ZSCAN4: variants seen among roughly 807,000 people sequenced by gnomAD.
ZSCAN4 encodes the protein zinc finger and SCAN domain-containing protein 4.
ZSCAN4 carries 18 observed loss-of-function variants against 18.3 expected under a neutral mutation model. The observed-to-expected ratio is 0.98, with a 90% confidence interval of 0.68 to 1.46. ZSCAN4 has a LOEUF of 1.46. Ranked by LOEUF, ZSCAN4 falls within the 40% of genes most tolerant of loss-of-function variation. ZSCAN4 has a pLI of 0.00. For missense variants in ZSCAN4, 498 were observed against 511.4 expected, an observed-to-expected ratio of 0.97 and a Z score of 0.25; for synonymous variants, 193 against 180.3, an observed-to-expected ratio of 1.07 and a Z score of -0.57.
chr19:57,669,837 A>G (rs1174155662), intron 1 of ZSCAN4, among the ~76,000 whole-genome samples: 1 of 151,924 alleles, frequency 6.6e-6, no homozygotes, highest in Non-Finnish European at 1.5e-5. Context: ...AACAAGCTAC[A>G]CAGACATGCC....
chr19:57,656,620 C>A, the ZSCAN4 span, among the ~76,000 whole-genome samples: 1 of 152,218 alleles, frequency 6.6e-6, no homozygotes, highest in Non-Finnish European at 1.5e-5. Context: ...ACAGGACTGG[C>A]AAGTTGACTT....
upstream of ZSCAN4, among the ~76,000 whole-genome samples, chr19:57,667,466 T>A (rs556235284): frequency 3.9e-5 from 6 of 152,202 alleles, no homozygotes; most frequent in Non-Finnish European, 8.8e-5. Context: ...GTTATTTTGA[T>A]GTTAAAATGG....
chr19:57,659,031 C>T, the ZSCAN4 span, among the ~76,000 whole-genome samples: 1 of 152,018 alleles, frequency 6.6e-6, no homozygotes, highest in Non-Finnish European at 1.5e-5. Flanking sequence ...ATTGAAAGTC[C>T]TGTCTCATGC....
chr19:57,661,918 TA>T, the ZSCAN4 span, among the ~76,000 whole-genome samples: 8 of 151,910 alleles, frequency 5.3e-5, no homozygotes, highest in Admixed American at 3.3e-4. Context: ...CCGTCTCTAC[TA>T]AAAATAAAAA....
chr19:57,679,025 C>T, exon 5 of ZSCAN4: 1 of 1,215,622 alleles, frequency 8.2e-7, no homozygotes, highest in Non-Finnish European at 1.1e-6. Flanking sequence ...TGTCTTGCTT[C>T]ATTAAAATGT....
At chr19:57,661,550 T>C in the ZSCAN4 span, among the ~76,000 whole-genome samples, 3 of 152,224 alleles carry the variant, frequency 2.0e-5, no homozygotes, top group African/African-American at 7.2e-5. Context: ...CCATTTGCTC[T>C]ATTTATTCAA....
At chr19:57,655,898 C>T in the ZSCAN4 span, among the ~76,000 whole-genome samples, 2 of 152,048 alleles carry the variant, frequency 1.3e-5, no homozygotes, top group Non-Finnish European at 2.9e-5. Flanking sequence ...GCTACACCAT[C>T]GTTGCCAAAC....
exon 1 of ZSCAN4, chr19:57,669,059 T>TTCA (rs1555807404): frequency 1.3e-5 from 1 of 77,490 alleles, no homozygotes; most frequent in East Asian, 2.9e-4. Context: ...TATATTTTCC[T>TTCA]TTTTTTTTTT....
the ZSCAN4 span, among the ~76,000 whole-genome samples, chr19:57,655,174 AC>A: frequency 2.6e-5 from 4 of 151,788 alleles, no homozygotes; most frequent in Non-Finnish European, 5.9e-5. Context: ...CATACAAAGA[AC>A]CTCCTTTCCT....
At chr19:57,665,901 A>C (rs1375825088), upstream of ZSCAN4, among the ~76,000 whole-genome samples, 1 of 152,094 alleles carries the variant, frequency 6.6e-6, no homozygotes, top group Admixed American at 6.6e-5. Context: ...AACAAGAGTG[A>C]AACTCCGTCT....
At chr19:57,676,355 C>T (rs1568452042) in exon 3 of ZSCAN4, 1 of 1,614,166 alleles carries the variant, frequency 6.2e-7, no homozygotes, top group Non-Finnish European at 8.5e-7. Flanking sequence ...GGATCTTTCA[C>T]TCATGGCTGC....
chr19:57,665,423 G>A (rs1983827576), upstream of ZSCAN4, among the ~76,000 whole-genome samples: 1 of 152,012 alleles, frequency 6.6e-6, no homozygotes, highest in Non-Finnish European at 1.5e-5. Context: ...GGAGGCACCT[G>A]GTATCTCCAG....
chr19:57,658,969 G>A, the ZSCAN4 span, among the ~76,000 whole-genome samples: 479 of 151,732 alleles, frequency 3.2e-3, 1 homozygote, highest in African/African-American at 9.7e-3. Context: ...AAATATTTTC[G>A]GGACCAGAAA....
chr19:57,660,894 T>A, the ZSCAN4 span, among the ~76,000 whole-genome samples: 1 of 151,586 alleles, frequency 6.6e-6, no homozygotes, highest in African/African-American at 2.4e-5. Context: ...CTCTTCTGTC[T>A]ACACAGAATC....
chr19:57,652,269 C>G, the ZSCAN4 span, among the ~76,000 whole-genome samples: 1 of 152,140 alleles, frequency 6.6e-6, no homozygotes, highest in Non-Finnish European at 1.5e-5. Context: ...GTGGCTTGGC[C>G]CCAATATAAG....
chr19:57,671,816 T>C (rs1341801739), intron 2 of ZSCAN4, among the ~76,000 whole-genome samples: 1 of 152,220 alleles, frequency 6.6e-6, no homozygotes, highest in Non-Finnish European at 1.5e-5. Flanking sequence ...GCGATCAGGG[T>C]AGCAGATCTG....
intron 2 of ZSCAN4, among the ~76,000 whole-genome samples, chr19:57,672,535 A>G (rs904943447): frequency 6.6e-6 from 1 of 152,056 alleles, no homozygotes; most frequent in Admixed American, 6.6e-5. Flanking sequence ...CTCTCTATAT[A>G]TATGTATACT....
rs1323384056 is a variant in ZSCAN4, at chr19:57,678,255, T to TC, written c.655dup (p.Leu219ProfsTer11). ...TACTAATCAAGGCAATCAAATAGTT[T>TC]CCCTAATCATCATCCAGGAAGAGAA... is the stretch of plus-strand genomic sequence containing the variant. On this transcript the variant is annotated frameshift_variant, in exon 5 of 5. Coordinates refer to ENST00000318203, the Ensembl canonical transcript of ZSCAN4. LOFTEE classifies it low-confidence loss of function (END_TRUNC). 2.5e-6 allele frequency: 4 copies of TC among 1,614,084 alleles called. No individual in the cohort carries two copies. The highest frequency in any genetic ancestry group is 3.4e-6 in the Non-Finnish European group (4 of 1,180,050).
At chr19:57,676,146 A>C in exon 3 of ZSCAN4, 2 of 1,598,600 alleles carry the variant, frequency 1.3e-6, no homozygotes, top group Non-Finnish European at 1.7e-6. Flanking sequence ...ATTGCTAAGA[A>C]TGGCTTTAGA....
Sources: allele counts gnomAD v4.1 joint callset (sites outside exome capture counted in the v4.1 genomes callset), GRCh38; gene constraint gnomAD v4.1.1; transcripts MANE v1.5; gene names NCBI Gene and HGNC (gene_info 2026-07-23, HGNC 2026-07-21).